Variants in ADGB observed in about 807,000 individuals in gnomAD.
ADGB encodes the protein androglobin.
In ADGB, 172 loss-of-function variants were observed where a neutral mutation model predicts 210.5. The ratio of observed to expected loss-of-function variants is 0.82; its 90% CI spans 0.72 to 0.93. ADGB has a LOEUF of 0.93. Ranked by LOEUF, ADGB falls within the 40% of genes least tolerant of loss-of-function variation. The pLI is 0.00. For synonymous variants in ADGB, 658 were observed against 662.7 expected (o/e 0.99, Z 0.11); for missense variants, 2,025 against 1,964.8 (o/e 1.03, Z -0.58).
intron 9 of ADGB, among the ~76,000 whole-genome samples, chr6:146,677,398 A>G (rs536807801): frequency 4.6e-5 from 7 of 152,190 alleles, no homozygotes; most frequent in South Asian, 2.1e-4. Flanking sequence ...ATAAATTTTT[A>G]TCTTTTTTCT....
At chr6:146,701,522 C>G (rs1254840425) in intron 13 of ADGB, among the ~76,000 whole-genome samples, 1 of 151,998 alleles carries the variant, frequency 6.6e-6, no homozygotes, top group Non-Finnish European at 1.5e-5. Context: ...TTCTTTCTCA[C>G]TATTCTTGCT....
chr6:146,764,496 G>T (rs1486414675), intron 28 of ADGB, among the ~76,000 whole-genome samples: 2 of 151,954 alleles, frequency 1.3e-5, no homozygotes, highest in Non-Finnish European at 2.9e-5. Context: ...AAAAGATAAT[G>T]TACATATTTA....
chr6:146,625,677 T>C (rs1331080864), intron 1 of ADGB, among the ~76,000 whole-genome samples: 1 of 152,130 alleles, frequency 6.6e-6, no homozygotes, highest in Non-Finnish European at 1.5e-5. Context: ...ACATGCCTGA[T>C]ACTGCTTTGC....
intron 1 of ADGB, among the ~76,000 whole-genome samples, chr6:146,629,704 T>G (rs533224249): frequency 1.3e-5 from 2 of 152,310 alleles, no homozygotes; most frequent in East Asian, 3.9e-4. Context: ...GTGTCAATAC[T>G]CTATACAACA....
intron 22 of ADGB, among the ~76,000 whole-genome samples, chr6:146,735,358 A>G (rs1454764966): frequency 6.6e-6 from 1 of 152,192 alleles, no homozygotes; most frequent in Non-Finnish European, 1.5e-5. Flanking sequence ...CCTTTATCCC[A>G]TGAGGAAGGT....
intron 27 of ADGB, among the ~76,000 whole-genome samples, chr6:146,761,334 G>A (rs1392092566): frequency 4.6e-5 from 7 of 151,890 alleles, no homozygotes; most frequent in East Asian, 1.9e-4. Context: ...CTGGCACTGC[G>A]TATTGGAAAG....
At chr6:146,632,370 T>C (rs1467579818) in intron 1 of ADGB, among the ~76,000 whole-genome samples, 1 of 152,170 alleles carries the variant, frequency 6.6e-6, no homozygotes, top group East Asian at 1.9e-4. Context: ...CTTCTTCCAC[T>C]TTTGAGCACT....
At chr6:146,788,661 T>G in intron 33 of ADGB, 51 bp downstream of exon 33, 2 of 1,494,876 alleles carry the variant, frequency 1.3e-6, no homozygotes, top group Admixed American at 3.9e-5. Context: ...AAATAAAAAT[T>G]ATGGAAAAGA....
chr6:146,812,480 G>T (rs1479063639), intron 35 of ADGB, among the ~76,000 whole-genome samples: 1 of 152,240 alleles, frequency 6.6e-6, no homozygotes, highest in African/African-American at 2.4e-5. Flanking sequence ...GAAAAGGCAG[G>T]TAGGTGGTGA....
chr6:146,733,576 A>G (rs1471007013), intron 21 of ADGB, among the ~76,000 whole-genome samples: 1 of 152,128 alleles, frequency 6.6e-6, no homozygotes, highest in African/African-American at 2.4e-5. Context: ...GACTCAAGTA[A>G]CCCTACTTTT....
chr6:146,701,816 A>G (rs1373972230), intron 13 of ADGB, among the ~76,000 whole-genome samples: 1 of 152,010 alleles, frequency 6.6e-6, no homozygotes. Context: ...ATAGTTACCT[A>G]GCTATATAGG....
At chr6:146,656,092 C>G (rs1775776712) in intron 4 of ADGB, among the ~76,000 whole-genome samples, 2 of 152,112 alleles carry the variant, frequency 1.3e-5, no homozygotes, top group Non-Finnish European at 2.9e-5. Context: ...AGAACTGCAA[C>G]TTAGAGAGGT....
intron 1 of ADGB, among the ~76,000 whole-genome samples, chr6:146,633,285 C>T (rs1227132234): frequency 1.3e-5 from 2 of 152,100 alleles, no homozygotes; most frequent in Admixed American, 6.6e-5. Context: ...TAGTTCTCTC[C>T]TCTTAATTCA....
intron 16 of ADGB, among the ~76,000 whole-genome samples, chr6:146,718,589 T>C (rs1776770234): frequency 6.6e-6 from 1 of 152,278 alleles, no homozygotes; most frequent in East Asian, 1.9e-4. Flanking sequence ...AAACCACATA[T>C]TGAGCAGAAT....
chr6:146,669,086 T>C (rs1775973559), intron 7 of ADGB, among the ~76,000 whole-genome samples: 1 of 152,116 alleles, frequency 6.6e-6, no homozygotes, highest in Admixed American at 6.6e-5. Flanking sequence ...GAAAGGTCTG[T>C]TCCTATCCTG....
At chr6:146,643,699 T>C (rs976735413) in intron 2 of ADGB, among the ~76,000 whole-genome samples, 2 of 152,036 alleles carry the variant, frequency 1.3e-5, no homozygotes, top group South Asian at 2.1e-4. Context: ...TGGAAACTTA[T>C]GTTATGCAGA....
At chr6:146,652,744 T>A (rs76840424) in intron 3 of ADGB, among the ~76,000 whole-genome samples, 2,172 of 152,128 alleles carry the variant, frequency 0.014, 46 homozygotes, top group African/African-American at 0.048. Flanking sequence ...TCAAAAAAAA[T>A]TTTAACACTA....
Position 146,676,412 on chromosome 6 carries a change from T to G in ADGB, c.1187T>G (p.Val396Gly), listed in dbSNP as rs530485975. 6.5e-7 allele frequency: 1 copy of G among 1,543,448 alleles called. No individual in the cohort carries two copies. Among genetic ancestry groups the G allele is most frequent in the African/African-American group, 1.4e-5 (1 of 72,874 alleles). The part of the protein sequence containing the change: ...SLHGSRPSSE[V>G]QYSVQSLSDC... ...CATGGTTCAAGACCCTCATCAGAAG[T>G]GCAGTACTCTGTGCAGTCCCTATCA... Residue 396 changes from valine to glycine, a missense_variant, in exon 9 of 36, where the codon GTG becomes GGG. Transcript: ENST00000397944.
At chr6:146,601,673 G>C (rs1780558653) in intron 1 of ADGB, among the ~76,000 whole-genome samples, 1 of 152,122 alleles carries the variant, frequency 6.6e-6, no homozygotes, top group Admixed American at 6.6e-5. Context: ...CATGTTCCTG[G>C]ATATGGAAAT....
Sources: gnomAD v4.1 joint callset for allele counts (sites outside exome capture counted in the v4.1 genomes callset) on GRCh38, gnomAD v4.1.1 for gene constraint, MANE v1.5 for transcripts, NCBI Gene and HGNC (gene_info 2026-07-23, HGNC 2026-07-21) for gene names.